The following FILIP1L variants were observed in gnomAD, a reference collection of about 807,000 sequenced individuals.
FILIP1L encodes filamin A interacting protein 1 like.
In FILIP1L, 55 loss-of-function variants were observed where a neutral mutation model predicts 96.6. That is an observed-to-expected ratio of 0.57 (90% CI 0.46 to 0.71). FILIP1L has a LOEUF of 0.71. FILIP1L is among the 30% of genes least tolerant of loss of function. The pLI, the probability that FILIP1L is intolerant of heterozygous loss-of-function variation, is 0.00. For synonymous variants in FILIP1L, 467 were observed against 473.9 expected (o/e 0.99, Z 0.19); for missense variants, 1,304 against 1,321.2 (o/e 0.99, Z 0.20).
At chr3:99,956,868 A>G (rs181606066) in intron 1 of FILIP1L, among the ~76,000 whole-genome samples, 3 of 151,988 alleles carry the variant, frequency 2.0e-5, no homozygotes, top group Admixed American at 2.0e-4. Context: ...CATTGTACTC[A>G]TCTCCTAATT....
At chr3:99,869,651 C>G (rs750139481) in intron 4 of FILIP1L, among the ~76,000 whole-genome samples, 1 of 152,160 alleles carries the variant, frequency 6.6e-6, no homozygotes, top group Admixed American at 6.5e-5. Flanking sequence ...CTGGACCAGG[C>G]AACTCCTTCC....
At chr3:99,924,516 G>A (rs1707227785) in intron 3 of FILIP1L, 108 bp from the exon 4 acceptor site, 2 of 1,186,302 alleles carry the variant, frequency 1.7e-6, no homozygotes, top group Admixed American at 4.5e-5. Flanking sequence ...GGGTTTTTTT[G>A]GTTTTTTGTT....
intron 1 of FILIP1L, among the ~76,000 whole-genome samples, chr3:100,071,993 A>G (rs2065771180): frequency 6.6e-6 from 1 of 152,216 alleles, no homozygotes; most frequent in Admixed American, 6.5e-5. Context: ...CATCTGCAGC[A>G]GTTCAGAGGA....
At chr3:99,947,064 G>T (rs968786830) in intron 1 of FILIP1L, among the ~76,000 whole-genome samples, 1 of 148,490 alleles carries the variant, frequency 6.7e-6, no homozygotes, top group East Asian at 2.0e-4. Context: ...CTTGCAGCTG[G>T]GAGGTAGAGG....
In FILIP1L at chr3:100,069,782, A is replaced by G. The variant is rs148051016; in HGVS notation, c.-11+44271T>C. On this transcript the variant is annotated intron_variant, in intron 1 of 5. Coordinates refer to ENST00000477258, the MANE Select transcript of FILIP1L (RefSeq NM_001387850.1). ...AGAATTTGTGGTAAGAGGAGGTGGCAGAATGGAGGGCCAGTCTATTTGTGA... is the reference window on the plus strand; with the variant it reads ...AGAATTTGTGGTAAGAGGAGGTGGCGGAATGGAGGGCCAGTCTATTTGTGA... 7.2e-3 allele frequency among the ~76,000 whole-genome samples: 1,100 copies of G among 152,324 alleles called. 18 individuals are homozygous for G. Among genetic ancestry groups the G allele is most frequent in the African/African-American group, 0.024 (1,014 of 41,576 alleles).
intron 4 of FILIP1L, among the ~76,000 whole-genome samples, chr3:99,917,822 T>A (rs1707000192): frequency 6.6e-6 from 1 of 152,212 alleles, no homozygotes; most frequent in Non-Finnish European, 1.5e-5. Flanking sequence ...TCACTGTCAT[T>A]CTCACTGACC....
At chr3:99,933,016 C>T (rs1707535902) in intron 1 of FILIP1L, among the ~76,000 whole-genome samples, 1 of 152,154 alleles carries the variant, frequency 6.6e-6, no homozygotes, top group African/African-American at 2.4e-5. Flanking sequence ...AGTCTCACAA[C>T]AACACTATGA....
chr3:100,021,737 C>A (rs989899524), intron 1 of FILIP1L, among the ~76,000 whole-genome samples: 1 of 152,090 alleles, frequency 6.6e-6, no homozygotes, highest in Non-Finnish European at 1.5e-5. Flanking sequence ...GTAAAGGGAA[C>A]CTCCCCTTCC....
chr3:99,844,699 A>G (rs909725738), intron 5 of FILIP1L, among the ~76,000 whole-genome samples: 5 of 152,120 alleles, frequency 3.3e-5, no homozygotes, highest in African/African-American at 1.2e-4. Flanking sequence ...TTTATGGGTT[A>G]TGTATGTGGT....
At chr3:99,832,966 T>TA (rs1394802754) in intron 5 of FILIP1L, among the ~76,000 whole-genome samples, 1 of 151,688 alleles carries the variant, frequency 6.6e-6, no homozygotes, top group Non-Finnish European at 1.5e-5. Flanking sequence ...TAGAGCGTTA[T>TA]GTCAAATAGC....
chr3:100,099,949 A>G lies in FILIP1L; in HGVS notation c.-11+14104T>C, dbSNP rs184453951. On this transcript the variant is annotated intron_variant, in intron 1 of 5. Coordinates refer to ENST00000477258, the MANE Select transcript of FILIP1L (RefSeq NM_001387850.1). ...AGCCACAGTGTTATAAAGATCATCC[A>G]TGCTCAAGTTGAGACTAACCACAAC... Among the ~76,000 whole-genome samples, 291 of 152,318 alleles carry G rather than the reference A, an allele frequency of 1.9e-3. 1 individual carries two copies. The highest frequency in any genetic ancestry group is 6.7e-3 in the African/African-American group (279 of 41,570).
intron 1 of FILIP1L, among the ~76,000 whole-genome samples, chr3:100,069,618 T>C (rs767232413): frequency 8.5e-5 from 13 of 152,174 alleles, no homozygotes; most frequent in Non-Finnish European, 1.0e-4. Context: ...CAGTTTATAC[T>C]CTTAAGAATT....
intron 1 of FILIP1L, among the ~76,000 whole-genome samples, chr3:99,972,438 G>A (rs553313439): frequency 6.0e-4 from 92 of 152,244 alleles, no homozygotes; most frequent in African/African-American, 2.0e-3. Context: ...AAACGTCCCC[G>A]TCCCCATTTG....
At chr3:99,923,077 C>A (rs768104937) in intron 4 of FILIP1L, among the ~76,000 whole-genome samples, 4 of 151,978 alleles carry the variant, frequency 2.6e-5, no homozygotes, top group African/African-American at 9.7e-5. Flanking sequence ...TCTTCTGGTT[C>A]TTCTAAGCTT....
intron 1 of FILIP1L, among the ~76,000 whole-genome samples, chr3:100,083,697 G>A (rs1275047851): frequency 6.6e-6 from 1 of 152,130 alleles, no homozygotes; most frequent in East Asian, 1.9e-4. Context: ...ACTAAATTGT[G>A]TTTTCAACTT....
intron 1 of FILIP1L, among the ~76,000 whole-genome samples, chr3:100,044,399 A>G (rs1013907859): frequency 1.3e-5 from 2 of 152,222 alleles, no homozygotes; most frequent in African/African-American, 4.8e-5. Flanking sequence ...GGGCAGTGAA[A>G]ACTATTTTTG....
chr3:99,897,651 A>G (rs1371154954), intron 4 of FILIP1L, among the ~76,000 whole-genome samples: 1 of 152,212 alleles, frequency 6.6e-6, no homozygotes, highest in Admixed American at 6.5e-5. Flanking sequence ...TACTGAAAGT[A>G]GAAAACCAAA....
At chr3:99,924,935 G>A (rs1393311627) in intron 3 of FILIP1L, among the ~76,000 whole-genome samples, 6 of 152,164 alleles carry the variant, frequency 3.9e-5, no homozygotes, top group Admixed American at 2.0e-4. Context: ...TTTCTTGACA[G>A]AATAATCTGT....
intron 4 of FILIP1L, among the ~76,000 whole-genome samples, chr3:99,860,905 T>G (rs982439300): frequency 1.3e-5 from 2 of 152,332 alleles, no homozygotes; most frequent in South Asian, 4.1e-4. Flanking sequence ...CTCCTATCAC[T>G]CTTTTAATTT....
Sources: gnomAD v4.1 joint callset for allele counts (sites outside exome capture counted in the v4.1 genomes callset) on GRCh38, gnomAD v4.1.1 for gene constraint, MANE v1.5 for transcripts, NCBI Gene and HGNC (gene_info 2026-07-23, HGNC 2026-07-21) for gene names.